Variants in ARHGEF38 observed in about 807,000 individuals in gnomAD.
ARHGEF38 encodes the protein Rho guanine nucleotide exchange factor (GEF) 38.
In ARHGEF38, 79 loss-of-function variants were observed where a neutral mutation model predicts 79.9. The ratio of observed to expected loss-of-function variants is 0.99; its 90% CI spans 0.82 to 1.19. The LOEUF (loss-of-function observed/expected upper bound fraction) is 1.19, where lower values mean the gene tolerates loss of function less well. Ranked by LOEUF, ARHGEF38 falls within the 50% of genes most tolerant of loss-of-function variation. The probability of loss-of-function intolerance (pLI) is 0.00; values close to 1 mark genes in which losing one functional copy is unlikely to be tolerated. For synonymous variants in ARHGEF38, 366 were observed against 328.3 expected, an observed-to-expected ratio of 1.11 and a Z score of -1.24; for missense variants, 962 against 907.2, an observed-to-expected ratio of 1.06 and a Z score of -0.78.
intron 1 of ARHGEF38, among the ~76,000 whole-genome samples, chr4:105,554,497 G>T (rs75661461): frequency 1.3e-5 from 2 of 152,112 alleles, no homozygotes; most frequent in East Asian, 3.8e-4. Context: ...TAGGATAATG[G>T]CCTCCGGTTG....
chr4:105,601,575 T>C (rs148042034), intron 2 of ARHGEF38, among the ~76,000 whole-genome samples: 1 of 152,236 alleles, frequency 6.6e-6, no homozygotes, highest in African/African-American at 2.4e-5. Flanking sequence ...GGGGAGGCTG[T>C]ACAGAACACA....
chr4:105,655,840 G>A, intron 9 of ARHGEF38, 118 bp downstream of exon 9: 1 of 1,085,588 alleles, frequency 9.2e-7, no homozygotes, highest in Non-Finnish European at 1.3e-6. Context: ...AAATATTAAT[G>A]TCAAAATTAG....
At chr4:105,629,049 A>G (rs1187459230) in intron 3 of ARHGEF38, among the ~76,000 whole-genome samples, 1 of 151,732 alleles carries the variant, frequency 6.6e-6, no homozygotes, top group African/African-American at 2.4e-5. Flanking sequence ...GACTCAAATA[A>G]TTTATTTTAA....
Position 105,666,159 on chromosome 4 carries a change from T to C in ARHGEF38, c.1546-18T>C, listed in dbSNP as rs56277608. On this transcript the variant is annotated intron_variant, in intron 10 of 13. Coordinates refer to ENST00000420470, the MANE Select transcript of ARHGEF38 (RefSeq NM_001242729.2). ...ATCTAGGTGTCTGGAAACAATGCCA[T>C]ATTATTTCTACCTATAGATGCCACT... The C allele has an allele frequency of 0.079, 118,916 of 1,503,232 alleles. 5,423 individuals carry two copies. The highest frequency in any genetic ancestry group is 0.09 in the Non-Finnish European group (102,304 of 1,133,958). The allele number at this position is 1,503,232 out of a possible 1,614,324, so 93.1% of individuals were successfully genotyped here. A position where few individuals can be genotyped will look rare whatever the true frequency, so the allele number is the denominator to read the frequency against.
chr4:105,667,295 G>C lies in ARHGEF38; in HGVS notation c.1856G>C (p.Gly619Ala). 1 of 1,536,120 alleles carries C rather than the reference G, an allele frequency of 6.5e-7. No homozygotes were observed. Among genetic ancestry groups the C allele is most frequent in the South Asian group, 1.2e-5 (1 of 84,050 alleles). The change falls in exon 12 of 14, where the codon GGG (glycine) becomes GCG (alanine). Residue 619 changes from glycine to alanine, a missense_variant. By Grantham distance (60) the Gly-to-Ala change is moderately conservative. Transcript: ENST00000420470. ...VAVIEQKDPL[G>A]STSRWLVDTG... ...GTGATAGAACAGAAAGATCCACTGG[G>C]GAGTACAAGCAGGTGGCTTGTGGAC...
intron 9 of ARHGEF38, among the ~76,000 whole-genome samples, chr4:105,658,560 T>C (rs1200552890): frequency 1.3e-5 from 2 of 152,148 alleles, no homozygotes; most frequent in African/African-American, 4.8e-5. Flanking sequence ...GGGGCTGATA[T>C]GGGAAGAATA....
At chr4:105,616,498 C>T (rs900252866) in intron 3 of ARHGEF38, among the ~76,000 whole-genome samples, 1 of 152,052 alleles carries the variant, frequency 6.6e-6, no homozygotes, top group African/African-American at 2.4e-5. Context: ...CACTTTCAAA[C>T]AACCAGATCT....
At chr4:105,591,035 T>C (rs1312599263) in intron 2 of ARHGEF38, among the ~76,000 whole-genome samples, 2 of 152,226 alleles carry the variant, frequency 1.3e-5, no homozygotes, top group African/African-American at 4.8e-5. Context: ...TTTTGGTTTC[T>C]AACCTTGTTT....
intron 1 of ARHGEF38, among the ~76,000 whole-genome samples, chr4:105,585,898 ATGT>A: frequency 6.6e-6 from 1 of 151,716 alleles, no homozygotes; most frequent in East Asian, 1.9e-4. Context: ...CACCCGGCTA[ATGT>A]TGTATTTTTA....
chr4:105,618,440 G>A (rs1578317293), intron 3 of ARHGEF38, among the ~76,000 whole-genome samples: 1 of 152,198 alleles, frequency 6.6e-6, no homozygotes, highest in Middle Eastern at 3.4e-3. Context: ...TGACCAACAT[G>A]GTGAAACCCT....
At chr4:105,570,158 T>G (rs1726149908) in intron 1 of ARHGEF38, 1 of 152,220 alleles carries the variant, frequency 6.6e-6, no homozygotes, top group Admixed American at 6.5e-5. Context: ...ATTCACTGTA[T>G]TCAGTTTCAT....
chr4:105,676,019 A>C (rs1232923286), intron 13 of ARHGEF38, among the ~76,000 whole-genome samples: 1 of 152,252 alleles, frequency 6.6e-6, no homozygotes, highest in East Asian at 1.9e-4. Context: ...GGAGCAGCTC[A>C]TATTAGTTGA....
chr4:105,634,854 A>C (rs999182073), intron 4 of ARHGEF38, among the ~76,000 whole-genome samples: 2 of 152,162 alleles, frequency 1.3e-5, no homozygotes, highest in Non-Finnish European at 2.9e-5. Flanking sequence ...TCATCTGGGC[A>C]CTTTGGCTGC....
At chr4:105,561,073 A>AT (rs1311478930) in intron 1 of ARHGEF38, among the ~76,000 whole-genome samples, 51 of 151,910 alleles carry the variant, frequency 3.4e-4, no homozygotes, top group African/African-American at 1.2e-3. Flanking sequence ...TATATTAACT[A>AT]TTTTGTCTGT....
rs1730069757 is a variant in ARHGEF38 at position 105,650,825 on chromosome 4, G to A, written c.1008+2143G>A. ...TAACTGGGTCCATTGCATGTAAGAG[G>A]TTCCTCTTCTCAACGTGGAACTATA... On this transcript the variant is annotated intron_variant, in intron 7 of 13. Transcript: ENST00000420470. 2.0e-5 allele frequency among the ~76,000 whole-genome samples: 3 copies of A among 152,142 alleles called. No homozygotes were observed. The South Asian group carries it at 6.2e-4, about 32-fold the overall frequency.
intron 1 of ARHGEF38, among the ~76,000 whole-genome samples, chr4:105,556,964 A>T (rs973755120): frequency 4.6e-5 from 7 of 152,180 alleles, no homozygotes; most frequent in Non-Finnish European, 1.0e-4. Flanking sequence ...CTTTCAGAGC[A>T]CACAACAACC....
At chr4:105,594,569 C>A (rs903772572) in intron 2 of ARHGEF38, among the ~76,000 whole-genome samples, 4 of 152,044 alleles carry the variant, frequency 2.6e-5, no homozygotes, top group African/African-American at 9.7e-5. Flanking sequence ...AAAAACAAAA[C>A]AAAACAAGTC....
At chr4:105,578,100 C>T (rs1473899230) in intron 1 of ARHGEF38, among the ~76,000 whole-genome samples, 3 of 152,008 alleles carry the variant, frequency 2.0e-5, no homozygotes, top group Admixed American at 6.6e-5. Flanking sequence ...TTTGCTGTAT[C>T]CCAGGGCTTT....
intron 2 of ARHGEF38, among the ~76,000 whole-genome samples, chr4:105,605,239 T>C (rs1255743766): frequency 6.6e-6 from 1 of 152,118 alleles, no homozygotes; most frequent in Non-Finnish European, 1.5e-5. Flanking sequence ...TAACTTTGCT[T>C]TTCTATTACT....
Sources: allele counts gnomAD v4.1 joint callset (sites outside exome capture counted in the v4.1 genomes callset), GRCh38; gene constraint gnomAD v4.1.1; transcripts MANE v1.5; gene names NCBI Gene and HGNC (gene_info 2026-07-23, HGNC 2026-07-21).